MATN2: variants seen among roughly 807,000 people sequenced by gnomAD.
MATN2 encodes matrilin 2, also known as matrilin-2.
A neutral mutation model predicts 103.2 loss-of-function variants in MATN2; 69 were observed. The observed-to-expected ratio is 0.67, with a 90% CI of 0.55 to 0.82. MATN2 has a LOEUF of 0.82. Among genes scored for constraint, MATN2 ranks in the 40% least tolerant of loss-of-function variants. The pLI is 0.00. For synonymous variants in MATN2, 429 were observed against 450.2 expected, an observed-to-expected ratio of 0.95 and a Z score of 0.60; for missense variants, 1,023 against 1,211.5, an observed-to-expected ratio of 0.84 and a Z score of 2.31.
intron 4 of MATN2, among the ~76,000 whole-genome samples, chr8:97,943,464 CCTT>C (rs148965249): frequency 0.02 from 3,026 of 151,474 alleles, 90 homozygotes; most frequent in African/African-American, 0.069. Context: ...TCCTCCTCCT[CCTT>C]CTTCTTCTTT....
At chr8:97,921,522 T>G (rs956941714) in intron 2 of MATN2, among the ~76,000 whole-genome samples, 23 of 152,248 alleles carry the variant, frequency 1.5e-4, no homozygotes, top group Non-Finnish European at 5.9e-5. Context: ...GGTGCCTTAA[T>G]CAAGTGCCCT....
chr8:97,985,303 G>C (rs1330991359), intron 6 of MATN2, among the ~76,000 whole-genome samples: 2 of 152,154 alleles, frequency 1.3e-5, no homozygotes, highest in Non-Finnish European at 2.9e-5. Flanking sequence ...ACTCATTACT[G>C]TGAGGACAGC....
chr8:98,032,204 G>A (rs747984471), intron 15 of MATN2, 42 bp from the exon 16 acceptor site: 4 of 1,525,948 alleles, frequency 2.6e-6, no homozygotes, highest in Non-Finnish European at 3.6e-6. Flanking sequence ...ACACATGCCT[G>A]TGGACAACCA....
chr8:97,924,118 C>T (rs1450479894), intron 2 of MATN2, among the ~76,000 whole-genome samples: 1 of 152,162 alleles, frequency 6.6e-6, no homozygotes, highest in Non-Finnish European at 1.5e-5. Context: ...CTACCTTTGC[C>T]CCTTTCCTGA....
At chr8:97,886,493 C>T (rs1234489036) in intron 1 of MATN2, among the ~76,000 whole-genome samples, 3 of 152,176 alleles carry the variant, frequency 2.0e-5, no homozygotes, top group Non-Finnish European at 4.4e-5. Flanking sequence ...TAAATTAAAT[C>T]ACTTAATACG....
At chr8:98,000,623 A>G (rs117768057) in intron 7 of MATN2, among the ~76,000 whole-genome samples, 4,934 of 151,850 alleles carry the variant, frequency 0.032, 152 homozygotes, top group Admixed American at 0.041. Context: ...AATATGGTTA[A>G]CAATCACACA....
intron 2 of MATN2, among the ~76,000 whole-genome samples, chr8:97,919,440 C>A (rs1222950664): frequency 2.0e-5 from 3 of 152,166 alleles, no homozygotes; most frequent in Non-Finnish European, 4.4e-5. Flanking sequence ...CTATGTTGGC[C>A]AGGCTGGTCT....
At chr8:97,884,871 C>T (rs1818374211) in intron 1 of MATN2, among the ~76,000 whole-genome samples, 1 of 152,238 alleles carries the variant, frequency 6.6e-6, no homozygotes, top group African/African-American at 2.4e-5. Flanking sequence ...AATATATCTA[C>T]ATATGAACCG....
intron 13 of MATN2, among the ~76,000 whole-genome samples, chr8:98,022,461 T>G (rs1279832858): frequency 6.6e-6 from 1 of 152,084 alleles, no homozygotes; most frequent in Non-Finnish European, 1.5e-5. Flanking sequence ...TAAACACGAT[T>G]TAGAAAGAAT....
intron 2 of MATN2, among the ~76,000 whole-genome samples, chr8:97,920,915 C>CGT (rs1732323359): frequency 6.6e-6 from 1 of 152,158 alleles, no homozygotes; most frequent in Non-Finnish European, 1.5e-5. Flanking sequence ...TTAGGGGTGT[C>CGT]GGTCACAGAT....
At chr8:97,870,545 G>A (rs1817859240) in intron 1 of MATN2, among the ~76,000 whole-genome samples, 1 of 152,080 alleles carries the variant, frequency 6.6e-6, no homozygotes, top group Admixed American at 6.5e-5. Flanking sequence ...GATATGGCAA[G>A]TAAAGTCCTT....
chr8:97,972,338 CAA>C (rs3076713), intron 5 of MATN2, among the ~76,000 whole-genome samples: 63,140 of 126,638 alleles, frequency 0.5, 15,969 homozygotes, highest in Middle Eastern at 0.64. Context: ...GACCCTGTCT[CAA>C]AAAAAAAAAA....
At chr8:97,938,110 TG>T (rs1316562208) in intron 3 of MATN2, among the ~76,000 whole-genome samples, 1 of 152,110 alleles carries the variant, frequency 6.6e-6, no homozygotes, top group African/African-American at 2.4e-5. Flanking sequence ...GTACATCACT[TG>T]GGCCTCCCAC....
intron 7 of MATN2, among the ~76,000 whole-genome samples, chr8:98,001,237 G>GGTTGGTCCTAT (rs1812775655): frequency 6.6e-6 from 1 of 152,176 alleles, no homozygotes; most frequent in Non-Finnish European, 1.5e-5. Flanking sequence ...GTCCAAAGGT[G>GGTTGGTCCTAT]GTTGGTCCTA....
At chr8:97,996,664 G>A (rs34139241) in intron 7 of MATN2, among the ~76,000 whole-genome samples, 20,081 of 152,174 alleles carry the variant, frequency 0.13, 1,431 homozygotes, top group Middle Eastern at 0.18. Context: ...CTGCAGGAGC[G>A]GCCCCTGACT....
At position 97,984,009 on chromosome 8, in the gene MATN2, G is replaced by A. The variant is rs112911905; in HGVS notation, c.1081+5001G>A. On this transcript the variant is annotated intron_variant, in intron 6 of 18. Transcript: ENST00000254898. ...AAAGTATCGGTTGTCAGGTTTCTTG[G>A]CCAGAGCATAGTTAACATACTGAGT... 1.8e-3 allele frequency among the ~76,000 whole-genome samples: 281 copies of A among 152,260 alleles called. 1 individual carries two copies. Among genetic ancestry groups the A allele is most frequent in the African/African-American group, 6.3e-3 (262 of 41,542 alleles).
chr8:98,020,784 G>T (rs1813563041), intron 12 of MATN2, among the ~76,000 whole-genome samples: 1 of 152,210 alleles, frequency 6.6e-6, no homozygotes, highest in Admixed American at 6.5e-5. Flanking sequence ...GATACCTTGA[G>T]AATAATTATC....
At chr8:98,012,243 C>A (rs1813192264) in intron 10 of MATN2, among the ~76,000 whole-genome samples, 1 of 152,050 alleles carries the variant, frequency 6.6e-6, no homozygotes, top group African/African-American at 2.4e-5. Context: ...GGGGTTGATG[C>A]AGATTCGGTT....
chr8:97,988,171 AAT>A (rs1554611754), intron 6 of MATN2, among the ~76,000 whole-genome samples: 111 of 46,102 alleles, frequency 2.4e-3, no homozygotes, highest in Middle Eastern at 0.015. Context: ...AAAAAAAAAA[AAT>A]ATATATATAT....
Sources: allele counts gnomAD v4.1 joint callset (sites outside exome capture counted in the v4.1 genomes callset), GRCh38; gene constraint gnomAD v4.1.1; transcripts MANE v1.5; gene names NCBI Gene and HGNC (gene_info 2026-07-23, HGNC 2026-07-21).